The following DNASE2B variants were observed in gnomAD, a reference collection of about 807,000 sequenced individuals.
The protein encoded by DNASE2B is deoxyribonuclease-2-beta.
In DNASE2B, 43 loss-of-function variants were observed where a neutral mutation model predicts 46.0. The observed-to-expected ratio is 0.94, with a 90% CI of 0.73 to 1.21. DNASE2B has a LOEUF of 1.21. Ranked by LOEUF, DNASE2B falls within the 50% of genes most tolerant of loss-of-function variation. The pLI, the probability that DNASE2B is intolerant of heterozygous loss-of-function variation, is 0.00. For missense variants in DNASE2B, 395 were observed against 414.4 expected, an observed-to-expected ratio of 0.95 and a Z score of 0.41; for synonymous variants, 156 against 152.5, an observed-to-expected ratio of 1.02 and a Z score of -0.17.
intron 1 of DNASE2B, among the ~76,000 whole-genome samples, chr1:84,400,377 A>C (rs779147135): frequency 1.3e-5 from 2 of 152,220 alleles, no homozygotes; most frequent in African/African-American, 2.4e-5. Flanking sequence ...TCAAAAAAAA[A>C]CAAAAAACAA....
intron 1 of DNASE2B, among the ~76,000 whole-genome samples, chr1:84,399,467 C>T (rs934738383): frequency 6.6e-6 from 1 of 152,182 alleles, no homozygotes; most frequent in African/African-American, 2.4e-5. Context: ...AACATGGTTC[C>T]TACCCTCAAG....
At chr1:84,407,596 T>C (rs1344176929) in intron 2 of DNASE2B, among the ~76,000 whole-genome samples, 1 of 152,170 alleles carries the variant, frequency 6.6e-6, no homozygotes, top group Non-Finnish European at 1.5e-5. Context: ...CTTTTAATTA[T>C]GTCACTCAGA....
At position 84,408,852 on chromosome 1, in the gene DNASE2B, ATATATG is replaced by A. The variant is rs541076201; in HGVS notation, c.385+342_385+347del. On this transcript the variant is annotated intron_variant, in intron 3 of 5. Coordinates refer to ENST00000370665, the MANE Select transcript of DNASE2B (RefSeq NM_021233.3). ...TATATATATATGCACATGAATATGT[ATATATG>A]TATATGTGCATGTAGTATATATGTA... Among the ~76,000 whole-genome samples, 248 of 151,926 alleles carry A rather than the reference ATATATG, an allele frequency of 1.6e-3. 1 individual carries two copies. The highest frequency in any genetic ancestry group is 3.3e-3 in the Admixed American group (51 of 15,262).
intron 4 of DNASE2B, among the ~76,000 whole-genome samples, chr1:84,411,636 G>A (rs775381798): frequency 1.2e-4 from 18 of 152,250 alleles, no homozygotes; most frequent in South Asian, 2.1e-4. Flanking sequence ...CAAGCTCAGC[G>A]AAAAATTCTT....
intron 4 of DNASE2B, among the ~76,000 whole-genome samples, chr1:84,411,904 C>T (rs533928386): frequency 6.6e-6 from 1 of 152,222 alleles, no homozygotes; most frequent in Admixed American, 6.5e-5. Flanking sequence ...CTTTTTGGTA[C>T]ATGGAGTTCT....
intron 4 of DNASE2B, among the ~76,000 whole-genome samples, chr1:84,412,140 C>T (rs1279468550): frequency 6.6e-6 from 1 of 152,088 alleles, no homozygotes; most frequent in East Asian, 1.9e-4. Flanking sequence ...CCATGTAAAA[C>T]TTGTAGGACC....
chr1:84,404,610 A>G (rs1025705274), intron 2 of DNASE2B, among the ~76,000 whole-genome samples: 3 of 152,196 alleles, frequency 2.0e-5, no homozygotes, highest in Non-Finnish European at 4.4e-5. Context: ...GCAGGTGGAC[A>G]ACTTTGACAC....
In DNASE2B at chr1:84,402,187, C is replaced by A. The variant is rs373557355; in HGVS notation, c.303+109C>A. 2.3e-5 allele frequency: 25 copies of A among 1,097,880 alleles called. No homozygotes were observed. The East Asian group carries it at 2.6e-4, about 11-fold the overall frequency. 68.0% of individuals were successfully genotyped at this position (1,097,880 alleles called of 1,614,324 possible). ...ACCCACCCAACCCCCAATCCTAGCA[C>A]CTTGAAGTGAGCTAGCTCAGGACCA... On this transcript the variant is annotated intron_variant, in intron 2 of 5. Coordinates refer to ENST00000370665, the MANE Select transcript of DNASE2B (RefSeq NM_021233.3).
At position 84,398,607 on chromosome 1, in the gene DNASE2B, G is replaced by A; in HGVS notation, c.43G>A (p.Ala15Thr). 2 of 1,613,890 alleles carry A rather than the reference G, an allele frequency of 1.2e-6. No individual in the cohort carries two copies. The highest frequency in any genetic ancestry group is 1.7e-4 in the Middle Eastern group (1 of 6,060). The change falls in exon 1 of 6, where the codon GCT becomes ACT. Residue 15 changes from alanine to threonine, a missense_variant. Ala to Thr is a moderately conservative substitution (Grantham distance 58, BLOSUM62 0). Transcript: ENST00000370665. Reference sequence around the variant, plus strand: ...GGCAAGACTGCTAAGAACATCCTTTGCTTTGCTCTTCCTTGGCCTCTTTGG... The same window carrying A: ...GGCAAGACTGCTAAGAACATCCTTTACTTTGCTCTTCCTTGGCCTCTTTGG... ...MMARLLRTSF[A>T]LLFLGLFGVL...
rs1471088172 is a variant in DNASE2B at position 84,398,531 on chromosome 1, T to C, written c.-34T>C. 2 of 1,611,328 alleles carry C rather than the reference T, an allele frequency of 1.2e-6. No homozygotes were observed. The highest frequency in any genetic ancestry group is 8.5e-7 in the Non-Finnish European group (1 of 1,178,526). The stretch of plus-strand genomic sequence containing the variant: ...GCCTTGAAACTCAGACTCCACAATC[T>C]ATGGGGAAAGTGTCCTGCTGTGGCA... On this transcript the variant is annotated 5_prime_UTR_variant, in exon 1 of 6. Coordinates refer to ENST00000370665, the MANE Select transcript of DNASE2B (RefSeq NM_021233.3).
At chr1:84,403,538 G>A (rs1403063741) in intron 2 of DNASE2B, among the ~76,000 whole-genome samples, 1 of 151,780 alleles carries the variant, frequency 6.6e-6, no homozygotes, top group African/African-American at 2.4e-5. Flanking sequence ...AGGAAGAAGG[G>A]GAAGGGCTGG....
At chr1:84,403,338 G>A (rs546289901) in intron 2 of DNASE2B, among the ~76,000 whole-genome samples, 4 of 152,188 alleles carry the variant, frequency 2.6e-5, no homozygotes, top group Admixed American at 2.0e-4. Context: ...ATCAATAGTC[G>A]AATAACATGT....
At chr1:84,411,535 T>C (rs972083206) in intron 4 of DNASE2B, among the ~76,000 whole-genome samples, 1 of 151,920 alleles carries the variant, frequency 6.6e-6, no homozygotes, top group Admixed American at 6.6e-5. Context: ...GAGTTCAATC[T>C]TAATTTTGTT....
chr1:84,404,222 A>C (rs945842988), intron 2 of DNASE2B, among the ~76,000 whole-genome samples: 1 of 151,904 alleles, frequency 6.6e-6, no homozygotes, highest in African/African-American at 2.4e-5. Flanking sequence ...ATGTTCTGTT[A>C]ATTTCTCTAG....
intron 2 of DNASE2B, among the ~76,000 whole-genome samples, chr1:84,403,890 G>A (rs1180088329): frequency 6.6e-6 from 1 of 150,838 alleles, no homozygotes; most frequent in Non-Finnish European, 1.5e-5. Flanking sequence ...AGGCCCAGGT[G>A]ACCCTCCCAC....
intron 2 of DNASE2B, among the ~76,000 whole-genome samples, chr1:84,407,128 A>G (rs1680505110): frequency 6.6e-6 from 1 of 152,196 alleles, no homozygotes; most frequent in South Asian, 2.1e-4. Context: ...TCCCTTTATC[A>G]ATAGCCTCTC....
intron 2 of DNASE2B, among the ~76,000 whole-genome samples, chr1:84,402,573 T>G (rs948649320): frequency 1.3e-5 from 2 of 152,206 alleles, no homozygotes; most frequent in Non-Finnish European, 2.9e-5. Context: ...AAACTAGGAC[T>G]CTAGTTCAAG....
rs747365133 is a variant in DNASE2B, at chr1:84,402,027, G to C, written c.252G>C (p.Lys84Asn). 7 of 1,610,778 alleles carry C rather than the reference G, an allele frequency of 4.3e-6. No homozygotes were observed. The South Asian group carries it at 5.5e-5, about 13-fold the overall frequency. Reference protein sequence around the residue: ...RKSEQLMNDTKSVLGRTLQQL... With the variant: ...RKSEQLMNDTNSVLGRTLQQL... ...GTGAGCAACTAATGAATGACACCAAGAGTGTTTTGGGAAGGACATTACAAC... is the reference window on the plus strand; with the variant it reads ...GTGAGCAACTAATGAATGACACCAACAGTGTTTTGGGAAGGACATTACAAC... Residue 84 changes from lysine (K) to asparagine (N), a missense_variant, in exon 2 of 6, where the codon AAG becomes AAC. Lys to Asn is a moderately conservative substitution (Grantham distance 94). Transcript: ENST00000370665.
chr1:84,403,222 G>A (rs191449699), intron 2 of DNASE2B, among the ~76,000 whole-genome samples: 102 of 152,232 alleles, frequency 6.7e-4, no homozygotes, highest in African/African-American at 1.9e-3. Context: ...CCCTCATGCC[G>A]TCAAAAATTT....
Sources: allele counts gnomAD v4.1 joint callset (sites outside exome capture counted in the v4.1 genomes callset), GRCh38; gene constraint gnomAD v4.1.1; transcripts MANE v1.5; gene names NCBI Gene and HGNC (gene_info 2026-07-23, HGNC 2026-07-21).